The following TCF7L2 variants were observed in gnomAD, a reference collection of about 807,000 sequenced individuals.
TCF7L2 encodes the protein transcription factor 7 like 2, also known as transcription factor 7-like 2.
A neutral mutation model predicts 77.9 loss-of-function variants in TCF7L2; 23 were observed. The observed-to-expected ratio is 0.30, with a 90% CI of 0.21 to 0.42. TCF7L2 has a LOEUF of 0.42. Among genes scored for constraint, TCF7L2 ranks in the 10% least tolerant of loss-of-function variants. The pLI is 1.00. For synonymous variants in TCF7L2, 413 were observed against 340.2 expected (o/e 1.21, Z -2.36); for missense variants, 654 against 793.1 (o/e 0.82, Z 2.11).
intron 4 of TCF7L2, among the ~76,000 whole-genome samples, chr10:112,965,489 C>T (rs145293644): frequency 7.6e-4 from 116 of 152,258 alleles, no homozygotes; most frequent in Middle Eastern, 3.4e-3. Flanking sequence ...CTCTTGAAAC[C>T]GTTTGCTGTA....
At chr10:113,115,754 G>C (rs773590475) in intron 5 of TCF7L2, among the ~76,000 whole-genome samples, 32 of 152,076 alleles carry the variant, frequency 2.1e-4, no homozygotes, top group Non-Finnish European at 3.8e-4. Context: ...TCCATTTCAA[G>C]GACAGCGCGC....
At chr10:113,072,813 A>G (rs745527254) in intron 5 of TCF7L2, among the ~76,000 whole-genome samples, 43 of 152,156 alleles carry the variant, frequency 2.8e-4, no homozygotes, top group African/African-American at 1.0e-3. Flanking sequence ...GTAGCAAGCA[A>G]TCTGTTGTTT....
intron 5 of TCF7L2, among the ~76,000 whole-genome samples, chr10:113,100,866 G>A (rs979104892): frequency 2.0e-5 from 3 of 152,250 alleles, no homozygotes; most frequent in Middle Eastern, 3.4e-3. Context: ...ACCTGAGGTC[G>A]GGAGTTCGAG....
intron 5 of TCF7L2, chr10:113,125,630 C>T (rs1383206821): frequency 6.6e-6 from 1 of 152,150 alleles, no homozygotes; most frequent in Non-Finnish European, 1.5e-5. Flanking sequence ...TATTAATATT[C>T]ATTAACTGCT....
At chr10:113,038,850 G>A (rs1229701699) in intron 4 of TCF7L2, among the ~76,000 whole-genome samples, 1 of 152,106 alleles carries the variant, frequency 6.6e-6, no homozygotes, top group Non-Finnish European at 1.5e-5. Flanking sequence ...GTCACAGCCT[G>A]TACACAAAGC....
At chr10:112,958,234 A>G (rs981393167) in intron 3 of TCF7L2, among the ~76,000 whole-genome samples, 6 of 152,188 alleles carry the variant, frequency 3.9e-5, no homozygotes, top group African/African-American at 1.4e-4. Flanking sequence ...AGTAGCCCCA[A>G]CCAGGTCGGT....
At chr10:112,978,633 A>ATTTTTTTTTTT (rs988727404) in intron 4 of TCF7L2, among the ~76,000 whole-genome samples, 3 of 126,870 alleles carry the variant, frequency 2.4e-5, no homozygotes, top group African/African-American at 6.1e-5. Context: ...CGCCTGGCTA[A>ATTTTTTTTTTT]TTTTTTTTTT....
chr10:113,083,176 G>A (rs1164938847), intron 5 of TCF7L2, among the ~76,000 whole-genome samples: 1 of 151,714 alleles, frequency 6.6e-6, no homozygotes, highest in East Asian at 1.9e-4. Flanking sequence ...TATGGAGGTA[G>A]TAAGGGAAGA....
In TCF7L2 at chr10:113,118,518, GGGGTGTGTGT is replaced by G. The variant is rs1183204174; in HGVS notation, c.553-22664_553-22655del. 0.022 allele frequency among the ~76,000 whole-genome samples: 1,010 copies of G among 45,484 alleles called. 35 individuals are homozygous for G. The East Asian group carries it at 0.35, about 16-fold the overall frequency. 29.8% of individuals were successfully genotyped at this position (45,484 alleles called of 152,430 possible). Reference sequence around the variant, plus strand: ...AGTTTTCAACCAACTGGTCATCTGGGGGGTGTGTGTGTGTGTGTGTGTGTGTGTGTGTGTG... The same window carrying G: ...AGTTTTCAACCAACTGGTCATCTGGGGTGTGTGTGTGTGTGTGTGTGTGTG... On this transcript the variant is annotated intron_variant, in intron 5 of 13. Coordinates refer to ENST00000627217, the MANE Select transcript of TCF7L2 (RefSeq NM_001146274.2).
chr10:113,016,837 C>T (rs553450091), intron 4 of TCF7L2, among the ~76,000 whole-genome samples: 8 of 152,216 alleles, frequency 5.3e-5, no homozygotes, highest in African/African-American at 1.4e-4. Flanking sequence ...TGAATGCCTC[C>T]GCTGCCCACC....
rs531542695 is a variant in TCF7L2 at position 113,000,184 on chromosome 10, A to G, written c.450+35560A>G. The stretch of plus-strand genomic sequence containing the variant: ...ATGAGGGATTAGATGACACTTGAGT[A>G]GCCTTCCAGATCTGAGACGAGTCTC... On this transcript the variant is annotated intron_variant, in intron 4 of 13. Coordinates refer to ENST00000627217, the MANE Select transcript of TCF7L2 (RefSeq NM_001146274.2). 2.0e-4 allele frequency among the ~76,000 whole-genome samples: 31 copies of G among 152,324 alleles called. No homozygotes were observed. In the South Asian group the frequency reaches 6.2e-3, roughly 31 times the overall value.
chr10:113,020,065 A>G (rs561029058), intron 4 of TCF7L2, among the ~76,000 whole-genome samples: 8 of 152,262 alleles, frequency 5.3e-5, no homozygotes, highest in Non-Finnish European at 8.8e-5. Flanking sequence ...AAAATACTGG[A>G]AAGTGCTGTG....
At chr10:112,993,846 G>C (rs2043019070) in intron 4 of TCF7L2, among the ~76,000 whole-genome samples, 1 of 152,070 alleles carries the variant, frequency 6.6e-6, no homozygotes, top group Non-Finnish European at 1.5e-5. Flanking sequence ...CTTGAGGTCA[G>C]GAGTTCGAGA....
Position 113,061,360 on chromosome 10 carries a change from C to T in TCF7L2, c.552+21234C>T, listed in dbSNP as rs143123139. Among the ~76,000 whole-genome samples the T allele has an allele frequency of 1.1e-3, 168 of 152,332 alleles. 1 individual carries two copies. Among genetic ancestry groups the T allele is most frequent in the African/African-American group, 4.0e-3 (165 of 41,582 alleles). On this transcript the variant is annotated intron_variant, in intron 5 of 13. Coordinates refer to ENST00000627217, the MANE Select transcript of TCF7L2 (RefSeq NM_001146274.2). ...TGAGGTCCAGCGTCTGCATGGAGAT[C>T]TGCCTATCCTTCACTTGGGGTGCTC...
At chr10:113,039,883 T>A in intron 4 of TCF7L2, 142 bp from the exon 5 acceptor site, 2 of 694,860 alleles carry the variant, frequency 2.9e-6, no homozygotes, top group Non-Finnish European at 4.8e-6. Flanking sequence ...ATTGCATGCT[T>A]TTTTATTTTT....
At chr10:113,085,898 G>A (rs554254512) in intron 5 of TCF7L2, among the ~76,000 whole-genome samples, 1 of 152,218 alleles carries the variant, frequency 6.6e-6, no homozygotes, top group African/African-American at 2.4e-5. Flanking sequence ...TCTACTTTCT[G>A]GATCTGGTGC....
intron 3 of TCF7L2, among the ~76,000 whole-genome samples, chr10:112,956,312 A>T (rs979938791): frequency 1.7e-4 from 25 of 150,496 alleles, no homozygotes; most frequent in African/African-American, 6.1e-4. Flanking sequence ...TATTGGGGGA[A>T]GGGAGGAGAT....
At position 113,165,646 on chromosome 10, in the gene TCF7L2, C is replaced by T. The variant is rs201257936; in HGVS notation, c.1483C>T (p.Pro495Ser). Reference sequence around the variant, plus strand: ...TGGAAGCTTACTAGATTCGCCTCCCCCCTCCCCGAACCTGCTAGGCTCCCC... The same window carrying T: ...TGGAAGCTTACTAGATTCGCCTCCCTCCTCCCCGAACCTGCTAGGCTCCCC... Residue 495 changes from proline to serine, a missense_variant, in exon 14 of 14, where the codon CCC becomes TCC. By Grantham distance (74) the Pro-to-Ser change is moderately conservative. Around this residue, in one of 6 missense-constraint regions of TCF7L2, gnomAD observed 272 missense variants for 215.4 expected, o/e 1.26. Coordinates refer to ENST00000627217, the MANE Select transcript of TCF7L2 (RefSeq NM_001146274.2). The T allele has an allele frequency of 3.1e-6, 5 of 1,612,530 alleles. No individual in the cohort carries two copies. The highest frequency in any genetic ancestry group is 2.2e-5 in the East Asian group (1 of 44,872).
intron 12 of TCF7L2, among the ~76,000 whole-genome samples, chr10:113,158,970 A>T (rs1355167239): frequency 6.7e-6 from 1 of 149,422 alleles, no homozygotes; most frequent in African/African-American, 2.5e-5. Flanking sequence ...AGTGATTTAG[A>T]GTTGAACTAA....
Sources: gnomAD v4.1 joint callset for allele counts (sites outside exome capture counted in the v4.1 genomes callset) on GRCh38, gnomAD v4.1.1 for gene constraint, gnomAD v4.1.1 regional missense constraint, MANE v1.5 for transcripts, NCBI Gene and HGNC (gene_info 2026-07-23, HGNC 2026-07-21) for gene names.